CLEC11A: variants seen among roughly 807,000 people sequenced by gnomAD.
The protein encoded by CLEC11A is C-type lectin domain containing 11A.
In CLEC11A, 35 loss-of-function variants were observed where a neutral mutation model predicts 33.9. The ratio of observed to expected loss-of-function variants is 1.03; its 90% confidence interval spans 0.79 to 1.37. CLEC11A has a LOEUF of 1.37. Ranked by LOEUF, CLEC11A falls within the 40% of genes most tolerant of loss-of-function variation. The pLI, the probability that CLEC11A is intolerant of heterozygous loss-of-function variation, is 0.00. For synonymous variants in CLEC11A, 220 were observed against 202.2 expected, an observed-to-expected ratio of 1.09 and a Z score of -0.75; for missense variants, 519 against 455.5, an observed-to-expected ratio of 1.14 and a Z score of -1.27.
rs1428110200 is a variant in CLEC11A, at chr19:50,724,723, C to T, written c.526+122C>T. 2.5e-6 allele frequency: 3 copies of T among 1,204,458 alleles called. No individual in the cohort carries two copies. The highest frequency in any genetic ancestry group is 3.3e-6 in the Non-Finnish European group (3 of 916,064). 74.6% of individuals were successfully genotyped at this position (1,204,458 alleles called of 1,614,324 possible). A position where few individuals can be genotyped will look rare whatever the true frequency, so the allele number is the denominator to read the frequency against. ...GTTCGGGAGAGCTGCTGTGTGCTAG[C>T]GGACGGGGTTAGAGAGCTGGGAGGC... On this transcript the variant is annotated intron_variant, in intron 3 of 3. Transcript: ENST00000250340. The surrounding 1 kb of genome is among the most constrained non-coding windows in gnomAD (Gnocchi z 4.1).
rs1568450402 is a variant in CLEC11A at position 50,725,482 on chromosome 19, C to G, written c.*15C>G. The G allele has an allele frequency of 6.4e-7, 1 of 1,569,520 alleles. No individual in the cohort carries two copies. The highest frequency in any genetic ancestry group is 8.7e-7 in the Non-Finnish European group (1 of 1,155,008). ...TCCCCTTCTAGCGGGGCCGGTACCC[C>G]GCCTCCCTGCCCATCCCACCACCCG... is the stretch of plus-strand genomic sequence containing the variant. On this transcript the variant is annotated 3_prime_UTR_variant, in exon 4 of 4. Coordinates refer to ENST00000250340, the MANE Select transcript of CLEC11A (RefSeq NM_002975.3).
rs1178389031 is a variant in CLEC11A at position 50,723,623 on chromosome 19, G to C, written c.98G>C (p.Trp33Ser). The C allele has an allele frequency of 6.2e-7, 1 of 1,607,772 alleles. No individual in the cohort carries two copies. Among genetic ancestry groups the C allele is most frequent in the East Asian group, 2.2e-5 (1 of 44,832 alleles). The change falls in exon 1 of 4, where the codon TGG becomes TCG. Residue 33 changes from tryptophan (W) to serine (S), a missense_variant. By Grantham distance (177) the Trp-to-Ser change is radical (BLOSUM62 -3). Coordinates refer to ENST00000250340, the MANE Select transcript of CLEC11A (RefSeq NM_002975.3). This position sits in a 1 kb window ranked among gnomAD's most constrained non-coding sequence, Gnocchi z 4.1. The part of the protein sequence containing the change: ...RGAEREWEGG[W>S]GGAQEEERER... ...GCAGAGAGGGAGTGGGAGGGAGGCTGGGGAGGTGCCCAGGAGGAGGAGCGG... is the reference window on the plus strand; with the variant it reads ...GCAGAGAGGGAGTGGGAGGGAGGCTCGGGAGGTGCCCAGGAGGAGGAGCGG...
Position 50,725,030 on chromosome 19 carries a change from A to G in CLEC11A, c.535A>G (p.Lys179Glu), listed in dbSNP as rs1301893384. Residue 179 changes from lysine (K) to glutamate (E), a missense_variant, in exon 4 of 4, where the codon AAG becomes GAG. Lys to Glu is a moderately conservative substitution (Grantham distance 56). Coordinates refer to ENST00000250340, the MANE Select transcript of CLEC11A (RefSeq NM_002975.3). ...REHGRLEGCLKGLRLGHKCFL... is the reference protein window; with the variant it reads ...REHGRLEGCLEGLRLGHKCFL... The stretch of plus-strand genomic sequence containing the variant: ...CCCGGCCCCGCCCACAGGCTGCCTG[A>G]AGGGGCTGCGCCTGGGCCACAAGTG... The G allele has an allele frequency of 2.0e-6, 3 of 1,486,490 alleles. No individual in the cohort carries two copies. The highest frequency in any genetic ancestry group is 1.8e-6 in the Non-Finnish European group (2 of 1,122,108). The allele number at this position is 1,486,490 out of a possible 1,614,324, so 92.1% of individuals were successfully genotyped here.
rs2089160533 is a variant in CLEC11A at position 50,723,725 on chromosome 19, G to A, written c.147+53G>A. 6.5e-7 allele frequency: 1 copy of A among 1,536,010 alleles called. No individual in the cohort carries two copies. Among genetic ancestry groups the A allele is most frequent in the South Asian group, 1.3e-5 (1 of 78,202 alleles). On this transcript the variant is annotated intron_variant, in intron 1 of 3. Transcript: ENST00000250340. The surrounding 1 kb of genome is among the most constrained non-coding windows in gnomAD (Gnocchi z 4.1). ...GGGTGGTGAACTGTGGGTCTGGGAGGGGGTATTGCAAGGTTAGGGAAATGG... is the reference window on the plus strand; with the variant it reads ...GGGTGGTGAACTGTGGGTCTGGGAGAGGGTATTGCAAGGTTAGGGAAATGG...
chr19:50,724,208 GC>G lies in CLEC11A; in HGVS notation c.334+122del. The G allele has an allele frequency of 6.6e-7, 1 of 1,518,424 alleles. No individual in the cohort carries two copies. The highest frequency in any genetic ancestry group is 8.9e-7 in the Non-Finnish European group (1 of 1,119,264). The allele number at this position is 1,518,424 out of a possible 1,614,324, so 94.1% of individuals were successfully genotyped here. A position where few individuals can be genotyped will look rare whatever the true frequency, so the allele number is the denominator to read the frequency against. On this transcript the variant is annotated intron_variant, in intron 2 of 3. Transcript: ENST00000250340. The surrounding 1 kb of genome is among the most constrained non-coding windows in gnomAD (Gnocchi z 4.1). Reference sequence around the variant, plus strand: ...TCAGTTGTCCATTGCCCAGCCCAGAGCCCCCACACCCCTAGGAGCCCCAGGT... The same window carrying G: ...TCAGTTGTCCATTGCCCAGCCCAGAGCCCCACACCCCTAGGAGCCCCAGGT...
Position 50,723,549 on chromosome 19 carries a change from G to T in CLEC11A, c.24G>T (p.Gly8=). Residue 8 remains glycine, a synonymous_variant, in exon 1 of 4, where the codon GGG becomes GGT. Transcript: ENST00000250340. This position sits in a 1 kb window ranked among gnomAD's most constrained non-coding sequence, Gnocchi z 4.1. Reference sequence around the variant, plus strand: ...TAATGCAGGCAGCCTGGCTTTTGGGGGCTTTGGTGGTCCCCCAGCTCTTGG... The same window carrying T: ...TAATGCAGGCAGCCTGGCTTTTGGGTGCTTTGGTGGTCCCCCAGCTCTTGG... The part of the protein sequence containing the change: MQAAWLL[G]ALVVPQLLGF... 1 of 1,612,434 alleles carries T rather than the reference G, an allele frequency of 6.2e-7. No individual in the cohort carries two copies. Among genetic ancestry groups the T allele is most frequent in the East Asian group, 2.2e-5 (1 of 44,868 alleles).
rs2089169109 is a variant in CLEC11A at position 50,724,642 on chromosome 19, C to G, written c.526+41C>G. On this transcript the variant is annotated intron_variant, in intron 3 of 3. Coordinates refer to ENST00000250340, the MANE Select transcript of CLEC11A (RefSeq NM_002975.3). The surrounding 1 kb of genome is among the most constrained non-coding windows in gnomAD (Gnocchi z 4.1). ...GCGGGGTGGAAAAAAATGAGACTAT[C>G]TGGGCCAGGAATGGGACTGGTTGAG... The G allele has an allele frequency of 4.3e-6, 6 of 1,380,866 alleles. No individual in the cohort carries two copies. The highest frequency in any genetic ancestry group is 5.6e-6 in the Non-Finnish European group (6 of 1,070,582). The allele number at this position is 1,380,866 out of a possible 1,614,324, so 85.5% of individuals were successfully genotyped here.
At position 50,723,742 on chromosome 19, in the gene CLEC11A, G is replaced by A; in HGVS notation, c.147+70G>A. On this transcript the variant is annotated intron_variant, in intron 1 of 3. Transcript: ENST00000250340. This position sits in a 1 kb window ranked among gnomAD's most constrained non-coding sequence, Gnocchi z 4.1. ...TCTGGGAGGGGGTATTGCAAGGTTA[G>A]GGAAATGGACAATGAGGAGCGATTG... 6.5e-7 allele frequency: 1 copy of A among 1,533,482 alleles called. No individual in the cohort carries two copies. Among genetic ancestry groups the A allele is most frequent in the South Asian group, 1.3e-5 (1 of 77,826 alleles). 95.0% of individuals were successfully genotyped at this position (1,533,482 alleles called of 1,614,324 possible).
rs555157998 is a variant in CLEC11A, at chr19:50,725,162, C to G, written c.667C>G (p.Leu223Val). The G allele has an allele frequency of 1.2e-5, 19 of 1,570,048 alleles. No homozygotes were observed. The African/African-American group carries it at 2.4e-4, about 20-fold the overall frequency. Reference protein sequence around the residue: ...QPADRQQMEALTRYLRAALAP... With the variant: ...QPADRQQMEAVTRYLRAALAP... ...GGCAGACCGCCAGCAGATGGAGGCG[C>G]TCACTCGGTACCTGCGCGCGGCGCT... The change falls in exon 4 of 4, where the codon CTC becomes GTC. Residue 223 changes from leucine to valine, a missense_variant. Transcript: ENST00000250340.
chr19:50,724,996 CCTT>C lies in CLEC11A; in HGVS notation c.527-23_527-21del. The stretch of plus-strand genomic sequence containing the variant: ...AGACTCTGAATGCATGACCCCGCCT[CCTT>C]CTCTACCCGGCCCCGCCCACAGGCT... On this transcript the variant is annotated intron_variant, in intron 3 of 3. Coordinates refer to ENST00000250340, the MANE Select transcript of CLEC11A (RefSeq NM_002975.3). The surrounding 1 kb of genome is among the most constrained non-coding windows in gnomAD (Gnocchi z 4.1). The C allele has an allele frequency of 6.9e-7, 1 of 1,451,882 alleles. No individual in the cohort carries two copies. Among genetic ancestry groups the C allele is most frequent in the Non-Finnish European group, 9.0e-7 (1 of 1,106,076 alleles). The allele number at this position is 1,451,882 out of a possible 1,614,324, so 89.9% of individuals were successfully genotyped here.
chr19:50,724,239 G>A lies in CLEC11A; in HGVS notation c.334+148G>A, dbSNP rs1568449745. The A allele has an allele frequency of 1.4e-6, 2 of 1,392,870 alleles. No homozygotes were observed. The highest frequency in any genetic ancestry group is 1.9e-6 in the Non-Finnish European group (2 of 1,031,512). The allele number at this position is 1,392,870 out of a possible 1,614,324, so 86.3% of individuals were successfully genotyped here. A position where few individuals can be genotyped will look rare whatever the true frequency, so the allele number is the denominator to read the frequency against. On this transcript the variant is annotated intron_variant, in intron 2 of 3. Transcript: ENST00000250340. The surrounding 1 kb of genome is among the most constrained non-coding windows in gnomAD (Gnocchi z 4.1). ...ACACCCCTAGGAGCCCCAGGTCCAC[G>A]GCCATGCCTCCTAAAGGCCTGGGCC...
Position 50,724,042 on chromosome 19 carries a change from C to T in CLEC11A, c.285C>T (p.Ser95=). The T allele has an allele frequency of 3.7e-6, 6 of 1,612,886 alleles. No homozygotes were observed. The highest frequency in any genetic ancestry group is 5.1e-6 in the Non-Finnish European group (6 of 1,179,050). The change falls in exon 2 of 4, where the codon TCC becomes TCT. Residue 95 remains serine (S), a synonymous_variant. Transcript: ENST00000250340. The surrounding 1 kb of genome is among the most constrained non-coding windows in gnomAD (Gnocchi z 4.1). ...EEEEEATPTP[S]SGPSPSPTPE... ...AGGAGGAAGCAACGCCAACCCCATC[C>T]TCCGGCCCCAGCCCCTCTCCCACCC...
At position 50,724,583 on chromosome 19, in the gene CLEC11A, G is replaced by C; in HGVS notation, c.508G>C (p.Glu170Gln). 1 of 1,424,946 alleles carries C rather than the reference G, an allele frequency of 7.0e-7. No individual in the cohort carries two copies. The highest frequency in any genetic ancestry group is 9.1e-7 in the Non-Finnish European group (1 of 1,094,234). 88.3% of individuals were successfully genotyped at this position (1,424,946 alleles called of 1,614,324 possible). ...LQEAQGRAER[E>Q]HGRLEGCLKG... ...GGAGGCGCAGGGTCGCGCCGAGCGCGAGCACGGCCGCTTGGAGGGTGAGTC... is the reference window on the plus strand; with the variant it reads ...GGAGGCGCAGGGTCGCGCCGAGCGCCAGCACGGCCGCTTGGAGGGTGAGTC... Residue 170 changes from glutamate (E) to glutamine (Q), a missense_variant, in exon 3 of 4, where the codon GAG becomes CAG. Physicochemically the swap from Glu to Gln is conservative, Grantham distance 29 (BLOSUM62 2). Transcript: ENST00000250340. The surrounding 1 kb of genome is among the most constrained non-coding windows in gnomAD (Gnocchi z 4.1).
Position 50,724,226 on chromosome 19 carries a change from G to A in CLEC11A, c.334+135G>A. On this transcript the variant is annotated intron_variant, in intron 2 of 3. Transcript: ENST00000250340. This position sits in a 1 kb window ranked among gnomAD's most constrained non-coding sequence, Gnocchi z 4.1. ...GCCCAGAGCCCCCACACCCCTAGGA[G>A]CCCCAGGTCCACGGCCATGCCTCCT... 1 of 1,439,060 alleles carries A rather than the reference G, an allele frequency of 6.9e-7. No homozygotes were observed. The highest frequency in any genetic ancestry group is 9.4e-7 in the Non-Finnish European group (1 of 1,064,930). 89.1% of individuals were successfully genotyped at this position (1,439,060 alleles called of 1,614,324 possible).
At position 50,725,653 on chromosome 19, in the gene CLEC11A, T is replaced by A. The variant is rs753046506; in HGVS notation, c.*186T>A. ...CACTCCTCCTTGTTAGTGTCTTTCC[T>A]TGAAGGGGCGGGCACCAGGCTAGGT... On this transcript the variant is annotated 3_prime_UTR_variant, in exon 4 of 4. Transcript: ENST00000250340. 233 of 1,113,120 alleles carry A rather than the reference T, an allele frequency of 2.1e-4. No individual in the cohort carries two copies. The highest frequency in any genetic ancestry group is 1.4e-3 in the Admixed American group (49 of 34,264). 69.0% of individuals were successfully genotyped at this position (1,113,120 alleles called of 1,614,324 possible). A position where few individuals can be genotyped will look rare whatever the true frequency, so the allele number is the denominator to read the frequency against.
rs750923831 is a variant in CLEC11A at position 50,724,134 on chromosome 19, G to A, written c.334+43G>A. 6.2e-6 allele frequency: 10 copies of A among 1,601,424 alleles called. No homozygotes were observed. The South Asian group carries it at 1.1e-4, about 18-fold the overall frequency. On this transcript the variant is annotated intron_variant, in intron 2 of 3. Transcript: ENST00000250340. The surrounding 1 kb of genome is among the most constrained non-coding windows in gnomAD (Gnocchi z 4.1). ...CTCACCCCCAAACTCCTAGGCCGCC[G>A]CGGTCACTTTCGCAAAAATGAAGGG...
Position 50,725,065 on chromosome 19 carries a change from C to G in CLEC11A, c.570C>G (p.Leu190=), listed in dbSNP as rs1391642624. The change falls in exon 4 of 4, where the codon CTC becomes CTG. Residue 190 remains leucine (L), a synonymous_variant. Coordinates refer to ENST00000250340, the MANE Select transcript of CLEC11A (RefSeq NM_002975.3). ...GCCTGGGCCACAAGTGCTTCCTGCT[C>G]TCGCGCGACTTCGAAGCTCAGGCGG... ...GLRLGHKCFL[L]SRDFEAQAAA... 3.3e-6 allele frequency: 5 copies of G among 1,519,556 alleles called. No individual in the cohort carries two copies. Among genetic ancestry groups the G allele is most frequent in the Non-Finnish European group, 4.4e-6 (5 of 1,135,496 alleles). The allele number at this position is 1,519,556 out of a possible 1,614,324, so 94.1% of individuals were successfully genotyped here.
Position 50,725,310 on chromosome 19 carries a change from T to G in CLEC11A, c.815T>G (p.Leu272Arg), listed in dbSNP as rs1174929146. The change falls in exon 4 of 4, where the codon CTC (leucine) becomes CGC (arginine). Residue 272 changes from leucine to arginine, a missense_variant. Transcript: ENST00000250340. Reference sequence around the variant, plus strand: ...TGGCATCGCTCACCCCGCCCCGAGCTCGGCGCCCAGCCCAGCGCCTCGCCG... The same window carrying G: ...TGGCATCGCTCACCCCGCCCCGAGCGCGGCGCCCAGCCCAGCGCCTCGCCG... ...FAWHRSPRPE[L>R]GAQPSASPHP... The G allele has an allele frequency of 6.2e-7, 1 of 1,611,548 alleles. No individual in the cohort carries two copies. The highest frequency in any genetic ancestry group is 1.3e-5 in the African/African-American group (1 of 74,870).
rs767375866 is a variant in CLEC11A, at chr19:50,725,307, A to G, written c.812A>G (p.Glu271Gly). Residue 271 changes from glutamate to glycine, a missense_variant, in exon 4 of 4, where the codon GAG (glutamate) becomes GGG (glycine). Coordinates refer to ENST00000250340, the MANE Select transcript of CLEC11A (RefSeq NM_002975.3). ...FFAWHRSPRP[E>G]LGAQPSASPH... ...GCCTGGCATCGCTCACCCCGCCCCG[A>G]GCTCGGCGCCCAGCCCAGCGCCTCG... The G allele has an allele frequency of 8.1e-6, 13 of 1,611,362 alleles. No individual in the cohort carries two copies. The highest frequency in any genetic ancestry group is 9.3e-6 in the Non-Finnish European group (11 of 1,179,160).
Sources: allele counts gnomAD v4.1 joint callset, GRCh38; gene constraint gnomAD v4.1.1; non-coding constraint Gnocchi (gnomAD v3.1); transcripts MANE v1.5; gene names NCBI Gene and HGNC (gene_info 2026-07-23, HGNC 2026-07-21).